Variants in TSG101 observed in about 807,000 individuals in gnomAD.
The protein encoded by TSG101 is tumor susceptibility 101, also known as tumor susceptibility gene 101 protein.
TSG101 carries 19 observed loss-of-function variants against 48.5 expected under a neutral mutation model. That is an observed-to-expected ratio of 0.39 (90% CI 0.27 to 0.58). The LOEUF (loss-of-function observed/expected upper bound fraction) is 0.58, where lower values mean the gene tolerates loss of function less well. TSG101 is among the 20% of genes least tolerant of loss of function. The pLI is 0.55. For missense variants in TSG101, 365 were observed against 484.4 expected, an observed-to-expected ratio of 0.75 and a Z score of 2.31; for synonymous variants, 174 against 169.4, an observed-to-expected ratio of 1.03 and a Z score of -0.21.
intron 6 of TSG101, among the ~76,000 whole-genome samples, chr11:18,503,302 G>A (rs1849917232): frequency 6.6e-6 from 1 of 151,862 alleles, no homozygotes; most frequent in African/African-American, 2.4e-5. Flanking sequence ...ACTATTTGGA[G>A]ACTCCTAAAA....
At chr11:18,488,276 G>A (rs184270706) in intron 7 of TSG101, among the ~76,000 whole-genome samples, 1 of 152,228 alleles carries the variant, frequency 6.6e-6, no homozygotes, top group East Asian at 1.9e-4. Context: ...TTAAATCAGT[G>A]CATGAGGTTT....
At chr11:18,501,541 A>G (rs1390520434) in intron 7 of TSG101, among the ~76,000 whole-genome samples, 3 of 152,224 alleles carry the variant, frequency 2.0e-5, no homozygotes, top group Admixed American at 6.5e-5. Flanking sequence ...GAAGTCAGGT[A>G]GTATGATGCT....
chr11:18,509,734 T>C, intron 4 of TSG101, 69 bp from the exon 5 acceptor site: 1 of 1,474,422 alleles, frequency 6.8e-7, no homozygotes, highest in Admixed American at 2.2e-5. Flanking sequence ...AGGTTAGCCA[T>C]TTCTCATCGG....
intron 7 of TSG101, among the ~76,000 whole-genome samples, chr11:18,499,234 TATA>T (rs1268779949): frequency 1.5e-5 from 2 of 137,736 alleles, no homozygotes; most frequent in African/African-American, 2.7e-5. Context: ...ATATATGATA[TATA>T]ATTATATATT....
At chr11:18,491,278 T>G (rs1590272928) in intron 7 of TSG101, among the ~76,000 whole-genome samples, 1 of 151,840 alleles carries the variant, frequency 6.6e-6, no homozygotes, top group East Asian at 1.9e-4. Context: ...CACCAGACAG[T>G]CTAACAGTGT....
At chr11:18,519,465 C>G in intron 2 of TSG101, 54 bp downstream of exon 2, 1 of 1,401,518 alleles carries the variant, frequency 7.1e-7, no homozygotes, top group East Asian at 2.3e-5. Context: ...CAATCATTAA[C>G]AAAGAGAGTA....
At chr11:18,519,624 A>C (rs1850235363) in intron 1 of TSG101, 21 bp from the exon 2 acceptor site, 1 of 1,567,914 alleles carries the variant, frequency 6.4e-7, no homozygotes, top group African/African-American at 1.4e-5. Flanking sequence ...AAATCGCATA[A>C]GAATTTAGTT....
At chr11:18,507,633 T>C (rs1849996873) in intron 5 of TSG101, 1 of 144,412 alleles carries the variant, frequency 6.9e-6, no homozygotes, top group Admixed American at 7.1e-5. Context: ...GAGAAGTTAA[T>C]CTTGAGCTTA....
chr11:18,523,627 C>T (rs1190703512), intron 1 of TSG101, among the ~76,000 whole-genome samples: 1 of 152,200 alleles, frequency 6.6e-6, no homozygotes, highest in East Asian at 1.9e-4. Context: ...CTCAGCTTCC[C>T]GAGTAGCTGG....
intron 7 of TSG101, among the ~76,000 whole-genome samples, chr11:18,499,393 TATA>T (rs1196003966): frequency 0.049 from 446 of 9,130 alleles, 10 homozygotes; most frequent in Non-Finnish European, 0.075. Context: ...TATATATATA[TATA>T]TATATATTTT....
At position 18,506,879 on chromosome 11, in the gene TSG101, A is replaced by T; in HGVS notation, c.526T>A (p.Ser176Thr). ...GMPGGISPYP[S>T]GYPPNPSGYP... ...TACCTGGGATTGGGAGGGTATCCGG[A>T]TGGGTATGGAGAGATTCCACCTGGC... is the stretch of plus-strand genomic sequence containing the variant. Residue 176 changes from serine (S) to threonine (T), a missense_variant, in exon 6 of 10, where the codon TCC (serine) becomes ACC (threonine). Coordinates refer to ENST00000251968, the MANE Select transcript of TSG101 (RefSeq NM_006292.4). 6.2e-7 allele frequency: 1 copy of T among 1,600,310 alleles called. No individual in the cohort carries two copies. The highest frequency in any genetic ancestry group is 1.1e-5 in the South Asian group (1 of 88,070).
chr11:18,490,397 G>A, intron 7 of TSG101: 1 of 592,198 alleles, frequency 1.7e-6, no homozygotes, highest in Non-Finnish European at 3.2e-6. Context: ...TTTTTGCCAG[G>A]CTGCAGGCCT....
In TSG101 at chr11:18,516,212, T is replaced by G. The variant is rs756523473; in HGVS notation, c.128-48A>C. On this transcript the variant is annotated intron_variant, in intron 2 of 9. Transcript: ENST00000251968. The stretch of plus-strand genomic sequence containing the variant: ...TAATCATGAGCATTTTTTAAGATAC[T>G]CCCATAAGTTATTCTTTCAGAAAGA... The G allele has an allele frequency of 4.6e-6, 7 of 1,518,606 alleles. No homozygotes were observed. In the Admixed American group the frequency reaches 6.9e-5, roughly 15 times the overall value. The allele number at this position is 1,518,606 out of a possible 1,614,324, so 94.1% of individuals were successfully genotyped here. A position where few individuals can be genotyped will look rare whatever the true frequency, so the allele number is the denominator to read the frequency against.
At chr11:18,508,522 C>G (rs1356821398) in intron 5 of TSG101, 1 of 152,046 alleles carries the variant, frequency 6.6e-6, no homozygotes, top group Admixed American at 6.6e-5. Context: ...AAGCAAGATA[C>G]TCTACTCTTG....
intron 7 of TSG101, among the ~76,000 whole-genome samples, chr11:18,495,865 AGT>A (rs2133911937): frequency 6.6e-6 from 1 of 151,682 alleles, no homozygotes; most frequent in Admixed American, 6.6e-5. Flanking sequence ...CGGAGCTTGC[AGT>A]GAGCTGAGAT....
chr11:18,512,263 A>G (rs547957822), intron 4 of TSG101, among the ~76,000 whole-genome samples: 82 of 152,128 alleles, frequency 5.4e-4, no homozygotes, highest in Non-Finnish European at 9.1e-4. Flanking sequence ...AAAATTAGCC[A>G]GGTGTGGTGG....
rs139900570 is a variant in TSG101 at position 18,520,256 on chromosome 11, C to T, written c.43-653G>A. Among the ~76,000 whole-genome samples, 898 of 152,278 alleles carry T rather than the reference C, an allele frequency of 5.9e-3. 9 individuals are homozygous for T. Among genetic ancestry groups the T allele is most frequent in the African/African-American group, 0.021 (866 of 41,554 alleles). On this transcript the variant is annotated intron_variant, in intron 1 of 9. Coordinates refer to ENST00000251968, the MANE Select transcript of TSG101 (RefSeq NM_006292.4). ...TATTTATTTTGGAGACAGGGTCTCG[C>T]TCTGTCGCCCAGGATGAAGTAGAGT...
intron 7 of TSG101, chr11:18,490,903 C>A: frequency 2.3e-6 from 1 of 439,226 alleles, no homozygotes; most frequent in Non-Finnish European, 4.5e-6. Context: ...ATCATCATAG[C>A]GCTCAGCCTG....
rs1266217686 is a variant in TSG101, at chr11:18,503,883, C to T, written c.549-1306G>A. On this transcript the variant is annotated intron_variant, in intron 6 of 9. Coordinates refer to ENST00000251968, the MANE Select transcript of TSG101 (RefSeq NM_006292.4). Reference sequence around the variant, plus strand: ...TCAATTCTATGACATTTGCCTTTTACAAGCGCATTAAAATTACTGATTAAA... The same window carrying T: ...TCAATTCTATGACATTTGCCTTTTATAAGCGCATTAAAATTACTGATTAAA... 2.6e-5 allele frequency among the ~76,000 whole-genome samples: 4 copies of T among 152,054 alleles called. No individual in the cohort carries two copies. The South Asian group carries it at 6.2e-4, about 24-fold the overall frequency.
Sources: gnomAD v4.1 joint callset for allele counts (sites outside exome capture counted in the v4.1 genomes callset) on GRCh38, gnomAD v4.1.1 for gene constraint, MANE v1.5 for transcripts, NCBI Gene and HGNC (gene_info 2026-07-23, HGNC 2026-07-21) for gene names.